MAP1B: variants seen among roughly 807,000 people sequenced by gnomAD.
MAP1B encodes microtubule associated protein 1B, also known as microtubule-associated protein 1B.
Under a neutral mutation model 176.1 loss-of-function variants are expected in MAP1B, and 12 were observed. The ratio of observed to expected loss-of-function variants is 0.07; its 90% CI spans 0.04 to 0.11. The LOEUF (loss-of-function observed/expected upper bound fraction) is 0.11. Ranked by LOEUF, MAP1B falls within the 10% of genes least tolerant of loss-of-function variation. MAP1B has a pLI of 1.00. For missense variants in MAP1B, 2,523 were observed against 2,990.5 expected (o/e 0.84, Z 3.65); for synonymous variants, 1,044 against 1,135.0 (o/e 0.92, Z 1.61).
Position 72,198,753 on chromosome 5 carries a change from T to A in MAP1B, c.5398T>A (p.Phe1800Ile), listed in dbSNP as rs763551472. Residue 1800 changes from phenylalanine (F) to isoleucine (I), a missense_variant, in exon 5 of 7, where the codon TTT becomes ATT. By Grantham distance (21) the Phe-to-Ile change is conservative (BLOSUM62 0). Transcript: ENST00000296755. The part of the protein sequence containing the change: ...RESSPLYSPT[F>I]SDSTSAVKEK... ...GTCCTCTCCTTTATATTCACCTACTTTTTCAGATTCTACCTCTGCAGTCAA... is the reference window on the plus strand; with the variant it reads ...GTCCTCTCCTTTATATTCACCTACTATTTCAGATTCTACCTCTGCAGTCAA... The A allele has an allele frequency of 6.2e-7, 1 of 1,614,180 alleles. No homozygotes were observed. The highest frequency in any genetic ancestry group is 8.5e-7 in the Non-Finnish European group (1 of 1,180,022).
intron 2 of MAP1B, among the ~76,000 whole-genome samples, chr5:72,159,177 G>T (rs1037155765): frequency 7.2e-5 from 11 of 152,098 alleles, no homozygotes; most frequent in Non-Finnish European, 1.6e-4. Context: ...GGAACCTTGT[G>T]CAATCAAGAC....
Position 72,199,789 on chromosome 5 carries a change from C to G in MAP1B, c.6434C>G (p.Thr2145Ser), listed in dbSNP as rs144584000. Residue 2145 changes from threonine to serine, a missense_variant, in exon 5 of 7, where the codon ACC becomes AGC. Thr to Ser is a moderately conservative substitution (Grantham distance 58). Around this residue, in one of 4 missense-constraint regions of MAP1B, gnomAD observed 287 missense variants for 401.5 expected, o/e 0.71. Coordinates refer to ENST00000296755, the MANE Select transcript of MAP1B (RefSeq NM_005909.5). This position sits in a 1 kb window ranked among gnomAD's most constrained non-coding sequence, Gnocchi z 4.2. ...CAACAGGGCCGACAGTGTGATGAAACCCCTCCCACCTCAGTCAGCGAGTCA... is the reference window on the plus strand; with the variant it reads ...CAACAGGGCCGACAGTGTGATGAAAGCCCTCCCACCTCAGTCAGCGAGTCA... ...GKQQGRQCDE[T>S]PPTSVSESAP... The G allele has an allele frequency of 8.7e-6, 14 of 1,614,070 alleles. No individual in the cohort carries two copies. The highest frequency in any genetic ancestry group is 1.3e-5 in the African/African-American group (1 of 74,940).
chr5:72,180,401 C>A (rs534297420), intron 2 of MAP1B, among the ~76,000 whole-genome samples: 2 of 152,134 alleles, frequency 1.3e-5, no homozygotes, highest in Non-Finnish European at 2.9e-5. Flanking sequence ...CTCTTGAAAT[C>A]TTTGTTTCAA....
intron 2 of MAP1B, among the ~76,000 whole-genome samples, chr5:72,139,260 G>C (rs1435716249): frequency 1.3e-5 from 2 of 152,150 alleles, no homozygotes; most frequent in Non-Finnish European, 2.9e-5. Context: ...CTCCAGTTCT[G>C]GTAACCTCTA....
intron 1 of MAP1B, among the ~76,000 whole-genome samples, chr5:72,112,692 C>T (rs1362446798): frequency 6.6e-6 from 1 of 152,190 alleles, no homozygotes; most frequent in Non-Finnish European, 1.5e-5. Flanking sequence ...AGATTGTTCT[C>T]AGAGATGACG....
At chr5:72,154,373 A>G (rs1391835521) in intron 2 of MAP1B, among the ~76,000 whole-genome samples, 1 of 152,232 alleles carries the variant, frequency 6.6e-6, no homozygotes, top group Non-Finnish European at 1.5e-5. Flanking sequence ...TTTTGGTCCC[A>G]TTCCAGTTTA....
In MAP1B at chr5:72,195,134, A is replaced by G. The variant is rs61375284; in HGVS notation, c.1779A>G (p.Pro593=). 9.3e-4 allele frequency: 1,502 copies of G among 1,613,740 alleles called. 21 individuals carry two copies. In the African/African-American group the frequency reaches 0.018, roughly 19 times the overall value. Residue 593 remains proline, a synonymous_variant, in exon 5 of 7, where the codon CCA becomes CCG. Coordinates refer to ENST00000296755, the MANE Select transcript of MAP1B (RefSeq NM_005909.5). ...KEKVMVKKDK[P]IKTETKPSVT... The stretch of plus-strand genomic sequence containing the variant: ...AGGTAATGGTGAAAAAAGACAAGCC[A>G]ATAAAAACAGAGACCAAACCTTCAG...
Position 72,199,472 on chromosome 5 carries a change from A to G in MAP1B, c.6117A>G (p.Thr2039=). ...CAACACGAACCCCTGATACTTCCAC[A>G]TACTGTTACGAGACTGCAGAGAAAA... The part of the protein sequence containing the change: ...TKTTRTPDTS[T]YCYETAEKIT... Residue 2039 remains threonine (T), a synonymous_variant, in exon 5 of 7, where the codon ACA becomes ACG. Coordinates refer to ENST00000296755, the MANE Select transcript of MAP1B (RefSeq NM_005909.5). This position sits in a 1 kb window ranked among gnomAD's most constrained non-coding sequence, Gnocchi z 4.2. 2 of 1,614,166 alleles carry G rather than the reference A, an allele frequency of 1.2e-6. No individual in the cohort carries two copies. Among genetic ancestry groups the G allele is most frequent in the South Asian group, 1.1e-5 (1 of 91,076 alleles).
rs763337535 is a variant in MAP1B, at chr5:72,195,803, C to G, written c.2448C>G (p.Ala816=). 2.5e-6 allele frequency: 4 copies of G among 1,614,254 alleles called. No individual in the cohort carries two copies. The highest frequency in any genetic ancestry group is 3.4e-6 in the Non-Finnish European group (4 of 1,180,050). The change falls in exon 5 of 7, where the codon GCC becomes GCG. Residue 816 remains alanine (A), a synonymous_variant. Coordinates refer to ENST00000296755, the MANE Select transcript of MAP1B (RefSeq NM_005909.5). ...TCATGGCGGCAGCTGGAATAGCAGC[C>G]ATTGGCCCTGCCAAAGAACTCGAAG... ...AAVMAAAGIA[A]IGPAKELEAE... is the part of the protein sequence containing the mutation.
In MAP1B at chr5:72,110,657, T is replaced by C. The variant is rs1201976124; in HGVS notation, c.184+2942T>C. Among the ~76,000 whole-genome samples the C allele has an allele frequency of 2.0e-5, 3 of 152,300 alleles. No homozygotes were observed. In the East Asian group the frequency reaches 5.8e-4, roughly 29 times the overall value. On this transcript the variant is annotated intron_variant, in intron 1 of 6. Coordinates refer to ENST00000296755, the MANE Select transcript of MAP1B (RefSeq NM_005909.5). ...ATGGAGCTGCTCCAGGGGGGCCAGC[T>C]CTGATGATTGTGTGTTGCAGGCTGG...
chr5:72,153,122 C>G (rs536832985), intron 2 of MAP1B, among the ~76,000 whole-genome samples: 2 of 152,308 alleles, frequency 1.3e-5, no homozygotes, highest in African/African-American at 4.8e-5. Context: ...TGCCGAGCCA[C>G]CTCGTGTTTG....
At position 72,194,012 on chromosome 5, in the gene MAP1B, C is replaced by G. The variant is rs74648804; in HGVS notation, c.657C>G (p.Ile219Met). 3 of 1,614,216 alleles carry G rather than the reference C, an allele frequency of 1.9e-6. No homozygotes were observed. Among genetic ancestry groups the G allele is most frequent in the Admixed American group, 1.7e-5 (1 of 60,030 alleles). The change falls in exon 5 of 7, where the codon ATC becomes ATG. Residue 219 changes from isoleucine (I) to methionine (M), a missense_variant. By Grantham distance (10) the Ile-to-Met change is conservative. This residue lies in a region of MAP1B where 307 missense variants were observed against 438.4 expected (regional missense o/e 0.70). Transcript: ENST00000296755. The surrounding 1 kb of genome is among the most constrained non-coding windows in gnomAD (Gnocchi z 7.2). ...FINIKLNSAS[I>M]LPEMEGLSEF... The stretch of plus-strand genomic sequence containing the variant: ...ATATTAAACTCAATTCAGCTTCTAT[C>G]TTGCCAGAAATGGAAGGACTTTCTG...
intron 4 of MAP1B, among the ~76,000 whole-genome samples, chr5:72,191,591 A>G (rs1232587377): frequency 2.0e-5 from 3 of 152,158 alleles, no homozygotes; most frequent in Non-Finnish European, 4.4e-5. Context: ...CCCTCTGCCC[A>G]ATTCCATCTG....
chr5:72,145,858 G>A (rs1746035481), intron 2 of MAP1B, among the ~76,000 whole-genome samples: 1 of 152,176 alleles, frequency 6.6e-6, no homozygotes, highest in Non-Finnish European at 1.5e-5. Context: ...CATGAAGCAT[G>A]ACATATTGTT....
At position 72,107,776 on chromosome 5, in the gene MAP1B, A is replaced by C. The variant is rs1039996213; in HGVS notation, c.184+61A>C. On this transcript the variant is annotated intron_variant, in intron 1 of 6. Transcript: ENST00000296755. ...GAGACGCGCAAACACGACCCCACCC[A>C]GGGCGCGACGGTCACTGCGCTCCTC... 6 of 1,564,974 alleles carry C rather than the reference A, an allele frequency of 3.8e-6. No homozygotes were observed. In the East Asian group the frequency reaches 6.9e-5, roughly 18 times the overall value.
chr5:72,124,076 T>G (rs1383075140), intron 2 of MAP1B, among the ~76,000 whole-genome samples: 2 of 152,160 alleles, frequency 1.3e-5, no homozygotes, highest in African/African-American at 4.8e-5. Context: ...ATGGGTTTAG[T>G]CACAATGACA....
Position 72,115,803 on chromosome 5 carries a change from A to G in MAP1B, c.286+4A>G. 4 of 1,601,630 alleles carry G rather than the reference A, an allele frequency of 2.5e-6. No homozygotes were observed. Among genetic ancestry groups the G allele is most frequent in the Non-Finnish European group, 3.4e-6 (4 of 1,168,610 alleles). Reference sequence around the variant, plus strand: ...AGATTCTCTCCTGAAGTCCCAGGTGAGGCTTCCGCTCAGTGTTGGTCAGCC... The same window carrying G: ...AGATTCTCTCCTGAAGTCCCAGGTGGGGCTTCCGCTCAGTGTTGGTCAGCC... On this transcript the variant is annotated splice_donor_region_variant and intron_variant, in intron 2 of 6. Transcript: ENST00000296755.
intron 2 of MAP1B, among the ~76,000 whole-genome samples, chr5:72,124,378 C>T (rs982232455): frequency 6.6e-6 from 1 of 152,184 alleles, no homozygotes; most frequent in African/African-American, 2.4e-5. Flanking sequence ...ATAAACTCTT[C>T]TAGGTTAAAG....
chr5:72,195,110 G>A lies in MAP1B; in HGVS notation c.1755G>A (p.Lys585=). The A allele has an allele frequency of 6.2e-7, 1 of 1,613,604 alleles. No homozygotes were observed. The change falls in exon 5 of 7, where the codon AAG becomes AAA. Residue 585 remains lysine (K), a synonymous_variant. Coordinates refer to ENST00000296755, the MANE Select transcript of MAP1B (RefSeq NM_005909.5). ...CACCCAAAGTTGAAAGCAAAGAAAA[G>A]GTAATGGTGAAAAAAGACAAGCCAA... ...EKPPKVESKE[K]VMVKKDKPIK...
Sources: gnomAD v4.1 joint callset for allele counts (sites outside exome capture counted in the v4.1 genomes callset) on GRCh38, gnomAD v4.1.1 for gene constraint, gnomAD v4.1.1 regional missense constraint, Gnocchi (gnomAD v3.1) non-coding constraint, MANE v1.5 for transcripts, NCBI Gene and HGNC (gene_info 2026-07-23, HGNC 2026-07-21) for gene names.